The following F7 variants were observed in gnomAD, a reference collection of about 807,000 sequenced individuals.
F7 encodes FVII coagulation protein.
Under a neutral mutation model 47.5 loss-of-function variants are expected in F7, and 38 were observed. The observed-to-expected ratio is 0.80, with a 90% CI of 0.62 to 1.05. F7 has a LOEUF of 1.05. F7 is among the 50% of genes least tolerant of loss of function. F7 has a pLI of 0.00. For missense variants in F7, 575 were observed against 605.4 expected (o/e 0.95, Z 0.53); for synonymous variants, 244 against 258.5 (o/e 0.94, Z 0.54).
At chr13:113,107,288 A>AGTGTGGGTGTCCCG (rs2035981542) in intron 1 of F7, among the ~76,000 whole-genome samples, 1 of 55,346 alleles carries the variant, frequency 1.8e-5, no homozygotes, top group African/African-American at 8.7e-5. Flanking sequence ...TGGGTGTCCC[A>AGTGTGGGTGTCCCG]GGAGTGTGGG....
In F7 at chr13:113,118,540, C is replaced by G. The variant is rs142547010; in HGVS notation, c.867C>G (p.Pro289=). Residue 289 remains proline (P), a synonymous_variant, in exon 8 of 8, where the codon CCC becomes CCG. Coordinates refer to ENST00000346342, the MANE Select transcript of F7 (RefSeq NM_019616.4). The stretch of plus-strand genomic sequence containing the variant: ...TCGCGCTGCTCCGCCTGCACCAGCC[C>G]GTGGTCCTCACTGACCATGTGGTGC... The part of the protein sequence containing the change: ...HDIALLRLHQ[P]VVLTDHVVPL... 6.8e-6 allele frequency: 11 copies of G among 1,612,414 alleles called. No individual in the cohort carries two copies. The highest frequency in any genetic ancestry group is 5.5e-5 in the South Asian group (5 of 91,090).
chr13:113,107,514 A>C (rs370503269), intron 1 of F7, among the ~76,000 whole-genome samples: 5 of 3,004 alleles, frequency 1.7e-3, no homozygotes, highest in East Asian at 0.016. Flanking sequence ...GTCCCGGGGG[A>C]GTGGGTGTCC....
In F7 at chr13:113,110,987, C is replaced by CG. The variant is rs551376381; in HGVS notation, c.225+142dup. On this transcript the variant is annotated intron_variant, in intron 2 of 7. Coordinates refer to ENST00000346342, the MANE Select transcript of F7 (RefSeq NM_019616.4). ...AGCGGCGCCCGCGCGGCGCTTTCTGCGGGGGTCGCTTTCCGCCCGGGGTGA... is the reference window on the plus strand; with the variant it reads ...AGCGGCGCCCGCGCGGCGCTTTCTGCGGGGGGTCGCTTTCCGCCCGGGGTGA... The CG allele has an allele frequency of 1.6e-3, 1,647 of 1,034,010 alleles. 12 individuals are homozygous for CG. The highest frequency in any genetic ancestry group is 0.015 in the African/African-American group (853 of 57,906). 64.1% of individuals were successfully genotyped at this position (1,034,010 alleles called of 1,614,324 possible). A position where few individuals can be genotyped will look rare whatever the true frequency, so the allele number is the denominator to read the frequency against.
intron 4 of F7, among the ~76,000 whole-genome samples, chr13:113,115,300 C>T (rs917473777): frequency 6.6e-6 from 1 of 152,208 alleles, no homozygotes; most frequent in Non-Finnish European, 1.5e-5. Flanking sequence ...TTGGAAAGTC[C>T]CTTGGACACT....
intron 6 of F7, 112 bp downstream of exon 6, chr13:113,116,987 G>T (rs1205370743): frequency 1.1e-6 from 1 of 877,236 alleles, no homozygotes; most frequent in Non-Finnish European, 1.9e-6. Flanking sequence ...AGCCCACCAG[G>T]CTCCAAGTCA....
intron 4 of F7, among the ~76,000 whole-genome samples, chr13:113,115,216 G>A (rs770799566): frequency 2.0e-5 from 3 of 152,140 alleles, no homozygotes; most frequent in Admixed American, 6.5e-5. Context: ...GTCCCCAGGC[G>A]GGCTCACGGT....
At chr13:113,110,135 C>T (rs1045267301) in intron 1 of F7, among the ~76,000 whole-genome samples, 1 of 152,058 alleles carries the variant, frequency 6.6e-6, no homozygotes, top group Non-Finnish European at 1.5e-5. Context: ...GGCAGAAGCC[C>T]AGGACCGCCA....
At chr13:113,115,231 C>T (rs898678338) in intron 4 of F7, among the ~76,000 whole-genome samples, 2 of 152,198 alleles carry the variant, frequency 1.3e-5, no homozygotes, top group African/African-American at 2.4e-5. Context: ...CACGGTGGTA[C>T]GAGGCCAGCT....
intron 4 of F7, among the ~76,000 whole-genome samples, chr13:113,114,189 TCC>T (rs1015215333): frequency 3.3e-5 from 5 of 152,146 alleles, no homozygotes; most frequent in Non-Finnish European, 7.3e-5. Context: ...CCCCTTGGGC[TCC>T]CGGCCCTGGG....
intron 2 of F7, among the ~76,000 whole-genome samples, chr13:113,111,234 GC>G (rs2036088002): frequency 6.6e-6 from 1 of 152,178 alleles, no homozygotes; most frequent in Non-Finnish European, 1.5e-5. Context: ...TGAGAAGCTG[GC>G]CCACAGCATG....
chr13:113,117,604 C>A lies in F7; in HGVS notation c.739+8C>A, dbSNP rs754823936. On this transcript the variant is annotated splice_region_variant and intron_variant, in intron 7 of 7. Transcript: ENST00000346342. ...ACCTGATCGCGGTGCTGGGTGGGTA[C>A]CACTCTCCCCTGTCCGACCGCGGTG... is the stretch of plus-strand genomic sequence containing the variant. 16 of 1,601,812 alleles carry A rather than the reference C, an allele frequency of 1.0e-5. No homozygotes were observed. In the African/African-American group the frequency reaches 2.1e-4, roughly 21 times the overall value.
In F7 at chr13:113,110,991, G is replaced by T. The variant is rs1035470917; in HGVS notation, c.225+141G>T. 2.5e-4 allele frequency: 250 copies of T among 991,618 alleles called. 1 individual carries two copies. The highest frequency in any genetic ancestry group is 3.3e-4 in the Non-Finnish European group (236 of 708,126). The allele number at this position is 991,618 out of a possible 1,614,324, so 61.4% of individuals were successfully genotyped here. ...GCGCCCGCGCGGCGCTTTCTGCGGG[G>T]GTCGCTTTCCGCCCGGGGTGACTCC... On this transcript the variant is annotated intron_variant, in intron 2 of 7. Coordinates refer to ENST00000346342, the MANE Select transcript of F7 (RefSeq NM_019616.4).
chr13:113,106,716 G>C, intron 1 of F7: 1 of 789,670 alleles, frequency 1.3e-6, no homozygotes, highest in African/African-American at 1.8e-5. Context: ...AGGATGGCTA[G>C]TGGGGCGTGG....
At chr13:113,112,185 CACACCCACAGG>C in intron 2 of F7, among the ~76,000 whole-genome samples, 1 of 149,532 alleles carries the variant, frequency 6.7e-6, no homozygotes, top group East Asian at 2.0e-4. Flanking sequence ...GAGGTCACCT[CACACCCACAGG>C]ACACCTCACA....
intron 6 of F7, among the ~76,000 whole-genome samples, chr13:113,117,183 T>C (rs777066057): frequency 8.5e-5 from 13 of 152,222 alleles, no homozygotes; most frequent in African/African-American, 1.2e-4. Context: ...CTTTGCAAAA[T>C]CAGGAGCATT....
rs770757843 is a variant in F7 at position 113,106,849 on chromosome 13, G to A, written c.64+944G>A. 1.3e-5 allele frequency: 21 copies of A among 1,601,346 alleles called. No individual in the cohort carries two copies. In the South Asian group the frequency reaches 2.2e-4, roughly 17 times the overall value. On this transcript the variant is annotated intron_variant, in intron 1 of 7. Coordinates refer to ENST00000346342, the MANE Select transcript of F7 (RefSeq NM_019616.4). Reference sequence around the variant, plus strand: ...CCGGCCACCTTCCTGCCCCAGGCGGGGTCGCTAAGGCCTCAGGAGGAGAAA... The same window carrying A: ...CCGGCCACCTTCCTGCCCCAGGCGGAGTCGCTAAGGCCTCAGGAGGAGAAA...
At position 113,118,835 on chromosome 13, in the gene F7, A is replaced by C; in HGVS notation, c.1162A>C (p.Thr388Pro). 6.2e-7 allele frequency: 1 copy of C among 1,612,726 alleles called. No individual in the cohort carries two copies. The change falls in exon 8 of 8, where the codon ACC (threonine) becomes CCC (proline). Residue 388 changes from threonine (T) to proline (P), a missense_variant. By Grantham distance (38) the Thr-to-Pro change is conservative. Coordinates refer to ENST00000346342, the MANE Select transcript of F7 (RefSeq NM_019616.4). ...CKGDSGGPHA[T>P]HYRGTWYLTG... ...GGGGGACAGTGGAGGCCCACATGCCACCCACTACCGGGGCACGTGGTACCT... is the reference window on the plus strand; with the variant it reads ...GGGGGACAGTGGAGGCCCACATGCCCCCCACTACCGGGGCACGTGGTACCT...
chr13:113,106,867 A>G, intron 1 of F7: 1 of 1,606,158 alleles, frequency 6.2e-7, no homozygotes, highest in Non-Finnish European at 8.5e-7. Flanking sequence ...AGGCCTCAGG[A>G]GGAGAAACAC....
Position 113,113,055 on chromosome 13 carries a change from ACACT to A in F7, c.226-693_226-690del, listed in dbSNP as rs1047352610. On this transcript the variant is annotated intron_variant, in intron 2 of 7. Transcript: ENST00000346342. This position sits in a 1 kb window ranked among gnomAD's most constrained non-coding sequence, Gnocchi z 4.1. Reference sequence around the variant, plus strand: ...TCACAGGTCACCTTACACTCATCTCACACTCACAGGTCGCCACACCTCACACTCA... The same window carrying A: ...TCACAGGTCACCTTACACTCATCTCACACAGGTCGCCACACCTCACACTCA... 1.4e-4 allele frequency among the ~76,000 whole-genome samples: 21 copies of A among 151,584 alleles called. No homozygotes were observed. Among genetic ancestry groups the A allele is most frequent in the Non-Finnish European group, 2.4e-4 (16 of 67,906 alleles).
Sources: allele counts gnomAD v4.1 joint callset (sites outside exome capture counted in the v4.1 genomes callset), GRCh38; gene constraint gnomAD v4.1.1; non-coding constraint Gnocchi (gnomAD v3.1); transcripts MANE v1.5; gene names NCBI Gene and HGNC (gene_info 2026-07-23, HGNC 2026-07-21).